Variants in FAM184A observed in about 807,000 individuals in gnomAD.
FAM184A encodes protein FAM184A.
FAM184A carries 99 observed loss-of-function variants against 143.8 expected under a neutral mutation model. That is an observed-to-expected ratio of 0.69 (90% confidence interval 0.58 to 0.81). FAM184A has a LOEUF of 0.81. Ranked by LOEUF, FAM184A falls within the 40% of genes least tolerant of loss-of-function variation. The probability of loss-of-function intolerance (pLI) is 0.00; values close to 1 mark genes in which losing one functional copy is unlikely to be tolerated. For missense variants in FAM184A, 1,217 were observed against 1,310.5 expected (o/e 0.93, Z 1.10); for synonymous variants, 427 against 446.4 (o/e 0.96, Z 0.55).
intron 1 of FAM184A, among the ~76,000 whole-genome samples, chr6:119,127,171 G>A (rs1032219289): frequency 2.0e-5 from 3 of 152,170 alleles, no homozygotes; most frequent in Admixed American, 1.3e-4. Flanking sequence ...GGCCCTTGCC[G>A]GGAACCCCAC....
chr6:118,975,629 AAC>A (rs1481495876), intron 12 of FAM184A, among the ~76,000 whole-genome samples: 1 of 152,218 alleles, frequency 6.6e-6, no homozygotes, highest in Non-Finnish European at 1.5e-5. Context: ...GCCCTCCTAA[AAC>A]ACACACATCA....
chr6:119,055,724 T>C (rs754465161), intron 1 of FAM184A, among the ~76,000 whole-genome samples: 1 of 152,218 alleles, frequency 6.6e-6, no homozygotes, highest in Non-Finnish European at 1.5e-5. Flanking sequence ...TGCATTTCTT[T>C]GGGTATCACA....
Position 119,092,788 on chromosome 6 carries a change from A to G in FAM184A, c.-202+56290T>C, listed in dbSNP as rs117743931. Among the ~76,000 whole-genome samples the G allele has an allele frequency of 9.7e-4, 148 of 152,294 alleles. 2 individuals carry two copies. The East Asian group carries it at 0.027, about 28-fold the overall frequency. Reference sequence around the variant, plus strand: ...TGGGTCTGATAACTCACTCTGGTCTAAAAACTCAACAGAGTATTATACTTT... The same window carrying G: ...TGGGTCTGATAACTCACTCTGGTCTGAAAACTCAACAGAGTATTATACTTT... On this transcript the variant is annotated intron_variant, in intron 1 of 16. Transcript: ENST00000352896.
intron 1 of FAM184A, among the ~76,000 whole-genome samples, chr6:119,074,959 A>G (rs933393011): frequency 6.6e-6 from 1 of 152,268 alleles, no homozygotes; most frequent in Admixed American, 6.5e-5. Flanking sequence ...TCTCCTTACC[A>G]TGAGAAGGCA....
At chr6:119,063,200 CA>C (rs1787323733) in intron 1 of FAM184A, among the ~76,000 whole-genome samples, 1 of 151,966 alleles carries the variant, frequency 6.6e-6, no homozygotes. Flanking sequence ...AATGAATAAT[CA>C]GTTAGAAAAG....
chr6:119,118,641 A>G lies in FAM184A; in HGVS notation c.-202+30437T>C, dbSNP rs570454886. Among the ~76,000 whole-genome samples, 7 of 152,300 alleles carry G rather than the reference A, an allele frequency of 4.6e-5. No homozygotes were observed. The South Asian group carries it at 1.5e-3, about 32-fold the overall frequency. ...TTCATGGACACTTATCACTTCCCCA[A>G]TCAATACCCTTGTGATTTCCTATGC... is the stretch of plus-strand genomic sequence containing the variant. On this transcript the variant is annotated intron_variant, in intron 1 of 16. Transcript: ENST00000352896.
intron 1 of FAM184A, among the ~76,000 whole-genome samples, chr6:119,074,883 T>C (rs968858654): frequency 6.6e-6 from 1 of 152,226 alleles, no homozygotes; most frequent in African/African-American, 2.4e-5. Context: ...TGTGTCTTGC[T>C]CCCTGCTGTA....
At chr6:119,075,627 T>G (rs1787845498) in intron 1 of FAM184A, among the ~76,000 whole-genome samples, 1 of 152,244 alleles carries the variant, frequency 6.6e-6, no homozygotes, top group Admixed American at 6.5e-5. Context: ...AATCCAATTT[T>G]AATTGTTACA....
At chr6:119,132,954 A>G (rs965985759) in intron 1 of FAM184A, among the ~76,000 whole-genome samples, 1 of 152,256 alleles carries the variant, frequency 6.6e-6, no homozygotes, top group African/African-American at 2.4e-5. Context: ...GGGGACAAAG[A>G]GTGAAATCAG....
At chr6:118,997,870 GAAAGGATACTTACT>G (rs1382754810) in intron 9 of FAM184A, among the ~76,000 whole-genome samples, 1 of 152,060 alleles carries the variant, frequency 6.6e-6, no homozygotes, top group Non-Finnish European at 1.5e-5. Flanking sequence ...AGAGCAAAAA[GAAAGGATACTTACT>G]ATCATATTGG....
At chr6:119,035,213 CTGAA>C (rs1269425074) in intron 1 of FAM184A, among the ~76,000 whole-genome samples, 3 of 152,176 alleles carry the variant, frequency 2.0e-5, no homozygotes, top group African/African-American at 7.2e-5. Flanking sequence ...CCCCAAAGAA[CTGAA>C]TGGACTCCTC....
At chr6:119,050,473 T>C (rs571619217) in intron 1 of FAM184A, among the ~76,000 whole-genome samples, 45 of 148,514 alleles carry the variant, frequency 3.0e-4, no homozygotes, top group African/African-American at 1.1e-3. Context: ...AAAAAAAGGG[T>C]ACATATACAC....
rs115893663 is a variant in FAM184A at position 118,985,426 on chromosome 6, G to A, written c.2089-5076C>T. On this transcript the variant is annotated intron_variant, in intron 9 of 17. Transcript: ENST00000338891. ...TTTATATATCTTCCAAGATGAGTAC[G>A]CCAAGGGATTTAATGATGTTTAATA... is the stretch of plus-strand genomic sequence containing the variant. 2.3e-3 allele frequency among the ~76,000 whole-genome samples: 351 copies of A among 152,320 alleles called. 2 individuals are homozygous for A. Among genetic ancestry groups the A allele is most frequent in the African/African-American group, 8.1e-3 (335 of 41,564 alleles).
intron 1 of FAM184A, among the ~76,000 whole-genome samples, chr6:119,124,120 T>G (rs1311284625): frequency 1.3e-5 from 2 of 152,222 alleles, no homozygotes; most frequent in Non-Finnish European, 2.9e-5. Flanking sequence ...ATTCATAGTC[T>G]TAGCCAATCA....
intron 1 of FAM184A, among the ~76,000 whole-genome samples, chr6:119,034,039 TATAGAG>T (rs1490753066): frequency 0.076 from 2,280 of 30,190 alleles, 36 homozygotes; most frequent in Non-Finnish European, 0.089. Context: ...TATATATATA[TATAGAG>T]AGAGAGAGAG....
chr6:119,097,988 G>C (rs1051552840), intron 1 of FAM184A, among the ~76,000 whole-genome samples: 4 of 152,172 alleles, frequency 2.6e-5, no homozygotes, highest in Admixed American at 6.5e-5. Context: ...ACCACACCGA[G>C]GTTTTGCATC....
At chr6:119,075,842 T>A (rs890683185) in intron 1 of FAM184A, among the ~76,000 whole-genome samples, 1 of 152,216 alleles carries the variant, frequency 6.6e-6, no homozygotes, top group African/African-American at 2.4e-5. Flanking sequence ...TAAGTGTATA[T>A]GACTATAAAA....
In FAM184A at chr6:119,061,531, C is replaced by CTTTTTTTTTTTT. The variant is rs977029986; in HGVS notation, c.159+16598_159+16609dup. Among the ~76,000 whole-genome samples, 27 of 58,560 alleles carry CTTTTTTTTTTTT rather than the reference C, an allele frequency of 4.6e-4. 1 individual carries two copies. Among genetic ancestry groups the CTTTTTTTTTTTT allele is most frequent in the East Asian group, 1.6e-3 (3 of 1,912 alleles). The allele number at this position is 58,560 out of a possible 152,430, so 38.4% of individuals were successfully genotyped here. ...CTACCATGCCTGGCTAATTATTTTT[C>CTTTTTTTTTTTT]TTTTTTTTTTTTTTTTTTTTTTTTT... On this transcript the variant is annotated intron_variant, in intron 1 of 17. Transcript: ENST00000338891.
rs1787966657 is a variant in FAM184A, at chr6:119,078,557, G to T, written c.-258C>A. ...CGGGGTTGGGCGGCGGCGGCCGGGG[G>T]CCGGGCCAGCTCTTGGAGGCTCCTC... On this transcript the variant is annotated 5_prime_UTR_variant, in exon 1 of 18. Transcript: ENST00000338891. This position sits in a 1 kb window ranked among gnomAD's most constrained non-coding sequence, Gnocchi z 5.5. 3.4e-6 allele frequency: 1 copy of T among 291,286 alleles called. No individual in the cohort carries two copies. Among genetic ancestry groups the T allele is most frequent in the Non-Finnish European group, 6.3e-6 (1 of 158,150 alleles). 18.0% of individuals were successfully genotyped at this position (291,286 alleles called of 1,614,324 possible). A position where few individuals can be genotyped will look rare whatever the true frequency, so the allele number is the denominator to read the frequency against.
Sources: gnomAD v4.1 joint callset for allele counts (sites outside exome capture counted in the v4.1 genomes callset) on GRCh38, gnomAD v4.1.1 for gene constraint, Gnocchi (gnomAD v3.1) non-coding constraint, MANE v1.5 for transcripts, NCBI Gene and HGNC (gene_info 2026-07-23, HGNC 2026-07-21) for gene names.